Variants in RNF157 observed in about 807,000 individuals in gnomAD.
RNF157 encodes ring finger protein 157, also known as E3 ubiquitin ligase RNF157.
A neutral mutation model predicts 88.3 loss-of-function variants in RNF157; 55 were observed. That is an observed-to-expected ratio of 0.62 (90% CI 0.50 to 0.78). The LOEUF (loss-of-function observed/expected upper bound fraction) is 0.78, where lower values mean the gene tolerates loss of function less well. Ranked by LOEUF, RNF157 falls within the 30% of genes least tolerant of loss-of-function variation. RNF157 has a pLI of 0.00. For missense variants in RNF157, 788 were observed against 860.8 expected (o/e 0.92, Z 1.06); for synonymous variants, 334 against 341.2 (o/e 0.98, Z 0.23).
intron 2 of RNF157, among the ~76,000 whole-genome samples, chr17:76,191,048 T>C (rs551181302): frequency 1.5e-4 from 23 of 151,050 alleles, no homozygotes; most frequent in African/African-American, 4.6e-4. Context: ...AAAGTTACGA[T>C]ATGGATTAGC....
At chr17:76,239,431 G>A (rs1014626717) in intron 1 of RNF157, among the ~76,000 whole-genome samples, 2 of 152,092 alleles carry the variant, frequency 1.3e-5, no homozygotes, top group Non-Finnish European at 2.9e-5. Context: ...CTGTCCCAGA[G>A]CTGGTCCCAC....
chr17:76,197,336 A>C (rs941393520), intron 2 of RNF157, among the ~76,000 whole-genome samples: 2 of 152,146 alleles, frequency 1.3e-5, no homozygotes, highest in African/African-American at 4.8e-5. Context: ...GAAAAGAGAA[A>C]ATGAGTTTCA....
At chr17:76,159,056 C>A (rs1326953483) in intron 12 of RNF157, among the ~76,000 whole-genome samples, 1 of 152,186 alleles carries the variant, frequency 6.6e-6, no homozygotes, top group East Asian at 1.9e-4. Flanking sequence ...AAGGCCCTAT[C>A]CACAGTGTTC....
intron 17 of RNF157, chr17:76,154,080 C>G: frequency 1.7e-6 from 1 of 576,776 alleles, no homozygotes; most frequent in Non-Finnish European, 3.1e-6. Context: ...GGCTCTGAGG[C>G]CCAGAAAGAG....
chr17:76,225,757 G>T, intron 1 of RNF157: 3 of 1,528,932 alleles, frequency 2.0e-6, no homozygotes, highest in South Asian at 2.7e-5. Flanking sequence ...TCAACTAGGG[G>T]ACCCTTTTCT....
intron 2 of RNF157, among the ~76,000 whole-genome samples, chr17:76,183,863 C>T (rs2069237670): frequency 1.3e-5 from 2 of 151,720 alleles, no homozygotes; most frequent in Non-Finnish European, 2.9e-5. Flanking sequence ...CTTCCAAAGA[C>T]AGGAAACCAT....
intron 2 of RNF157, among the ~76,000 whole-genome samples, chr17:76,209,404 G>A (rs2069737760): frequency 6.6e-6 from 1 of 152,102 alleles, no homozygotes. Flanking sequence ...TCCAACCTGC[G>A]GCCCAGGGGT....
rs369723866 is a variant in RNF157 at position 76,162,011 on chromosome 17, G to A, written c.793-9C>T. The A allele has an allele frequency of 1.7e-5, 28 of 1,611,668 alleles. No homozygotes were observed. The African/African-American group carries it at 2.4e-4, about 14-fold the overall frequency. On this transcript the variant is annotated splice_polypyrimidine_tract_variant and intron_variant, in intron 9 of 18. Coordinates refer to ENST00000269391, the MANE Select transcript of RNF157 (RefSeq NM_052916.3). ...ACTTCGTCTTCAGCCACCTGGCCAA[G>A]GAGAAAGAAATGTAGCCAATGGCAC...
chr17:76,184,189 T>TAAAAAA (rs542969861), intron 2 of RNF157, among the ~76,000 whole-genome samples: 1 of 110,812 alleles, frequency 9.0e-6, no homozygotes, highest in Admixed American at 9.6e-5. Context: ...AGACTCCATC[T>TAAAAAA]AAAAAAAAAA....
At chr17:76,223,892 C>A (rs942997997) in intron 1 of RNF157, among the ~76,000 whole-genome samples, 1 of 152,178 alleles carries the variant, frequency 6.6e-6, no homozygotes, top group Non-Finnish European at 1.5e-5. Context: ...AATTCATATA[C>A]AACTTTGCAG....
chr17:76,162,204 G>C, intron 9 of RNF157: 2 of 617,748 alleles, frequency 3.2e-6, no homozygotes, highest in Non-Finnish European at 5.6e-6. Flanking sequence ...AAAATTGAGA[G>C]GACGAGACTA....
intron 2 of RNF157, among the ~76,000 whole-genome samples, chr17:76,184,189 T>TAAAA (rs542969861): frequency 1.5e-4 from 17 of 110,804 alleles, no homozygotes; most frequent in Non-Finnish European, 2.8e-4. Flanking sequence ...AGACTCCATC[T>TAAAA]AAAAAAAAAA....
chr17:76,211,046 C>T lies in RNF157; in HGVS notation c.207+1318G>A, dbSNP rs142330498. On this transcript the variant is annotated intron_variant, in intron 2 of 18. Transcript: ENST00000269391. ...TCTTGAGCTCCCAACCTCAGGTGAT[C>T]TGTCCACCTCGGCCTCCCAAAGTGC... Among the ~76,000 whole-genome samples, 46 of 152,314 alleles carry T rather than the reference C, an allele frequency of 3.0e-4. No individual in the cohort carries two copies. The East Asian group carries it at 8.9e-3, about 29-fold the overall frequency.
rs114395891 is a variant in RNF157 at position 76,199,253 on chromosome 17, C to T, written c.207+13111G>A. Reference sequence around the variant, plus strand: ...AAAGAAGAAACTATTCCTTCCTCTACTTTCTCTTCCTCCTTCTCCCAGTGT... The same window carrying T: ...AAAGAAGAAACTATTCCTTCCTCTATTTTCTCTTCCTCCTTCTCCCAGTGT... On this transcript the variant is annotated intron_variant, in intron 2 of 18. Transcript: ENST00000269391. Among the ~76,000 whole-genome samples the T allele has an allele frequency of 6.0e-3, 914 of 152,296 alleles. 11 individuals carry two copies. Among genetic ancestry groups the T allele is most frequent in the African/African-American group, 0.021 (873 of 41,570 alleles).
At chr17:76,162,505 C>T (rs756593912) in intron 9 of RNF157, 47 bp downstream of exon 9, 1 of 1,439,652 alleles carries the variant, frequency 6.9e-7, no homozygotes, top group East Asian at 2.3e-5. Context: ...CGATTTCTCA[C>T]TTGGCCTCCT....
chr17:76,162,459 AGAG>A (rs2144839451), intron 9 of RNF157, 90 bp downstream of exon 9: 2 of 863,560 alleles, frequency 2.3e-6, no homozygotes, highest in Non-Finnish European at 3.9e-6. Flanking sequence ...AACTGATTTC[AGAG>A]TTTGGCACGC....
Position 76,240,311 on chromosome 17 carries a change from C to G in RNF157, c.-71G>C. ...CCCTCCGCGCTTCACCGCGGCCGCC[C>G]GCCCCGCGCCCGGTGCGGGGGCCGA... is the stretch of plus-strand genomic sequence containing the variant. On this transcript the variant is annotated 5_prime_UTR_variant, in exon 1 of 19. Coordinates refer to ENST00000269391, the MANE Select transcript of RNF157 (RefSeq NM_052916.3). This position sits in a 1 kb window ranked among gnomAD's most constrained non-coding sequence, Gnocchi z 4.4. 1 of 758,200 alleles carries G rather than the reference C, an allele frequency of 1.3e-6. No individual in the cohort carries two copies. Among genetic ancestry groups the G allele is most frequent in the Non-Finnish European group, 1.6e-6 (1 of 625,154 alleles). 47.0% of individuals were successfully genotyped at this position (758,200 alleles called of 1,614,324 possible).
intron 2 of RNF157, among the ~76,000 whole-genome samples, chr17:76,198,220 G>A (rs1323104302): frequency 6.6e-6 from 1 of 152,192 alleles, no homozygotes; most frequent in Admixed American, 6.5e-5. Flanking sequence ...GAGGATGTGT[G>A]GGAGGGGTTC....
chr17:76,165,683 CTT>C (rs35164451), intron 6 of RNF157, 138 bp from the exon 7 acceptor site: 310 of 650,120 alleles, frequency 4.8e-4, no homozygotes, highest in Non-Finnish European at 5.7e-4. Context: ...ATAACCCATA[CTT>C]TTTTTTTTTT....
Sources: gnomAD v4.1 joint callset for allele counts (sites outside exome capture counted in the v4.1 genomes callset) on GRCh38, gnomAD v4.1.1 for gene constraint, Gnocchi (gnomAD v3.1) non-coding constraint, MANE v1.5 for transcripts, NCBI Gene and HGNC (gene_info 2026-07-23, HGNC 2026-07-21) for gene names.